Variants in SSBP2 observed in about 807,000 individuals in gnomAD.
The protein encoded by SSBP2 is single stranded DNA binding protein 2.
SSBP2 carries 17 observed loss-of-function variants against 61.8 expected under a neutral mutation model. The ratio of observed to expected loss-of-function variants is 0.28; its 90% CI spans 0.19 to 0.41. SSBP2 has a LOEUF of 0.41. SSBP2 is among the 10% of genes least tolerant of loss of function. SSBP2 has a pLI of 1.00. For synonymous variants in SSBP2, 139 were observed against 141.3 expected, an observed-to-expected ratio of 0.98 and a Z score of 0.12; for missense variants, 310 against 458.7, an observed-to-expected ratio of 0.68 and a Z score of 2.96.
intron 4 of SSBP2, among the ~76,000 whole-genome samples, chr5:81,604,255 C>CTTT (rs1208837769): frequency 2.2e-5 from 3 of 138,516 alleles, no homozygotes; most frequent in Non-Finnish European, 4.8e-5. Flanking sequence ...CTTTTCTTTT[C>CTTT]TTTTTTTTTT....
intron 1 of SSBP2, among the ~76,000 whole-genome samples, chr5:81,655,939 C>G (rs900409954): frequency 1.3e-5 from 2 of 152,158 alleles, no homozygotes; most frequent in African/African-American, 2.4e-5. Context: ...TCAGTTTAAT[C>G]TTCTATTTTT....
chr5:81,542,756 T>A (rs995896299), intron 4 of SSBP2, among the ~76,000 whole-genome samples: 3 of 151,680 alleles, frequency 2.0e-5, no homozygotes, highest in African/African-American at 4.9e-5. Flanking sequence ...GCTTCCCCTA[T>A]GCTGTTCTTA....
At position 81,478,617 on chromosome 5, in the gene SSBP2, G is replaced by A. The variant is rs557558927; in HGVS notation, c.433-4055C>T. Among the ~76,000 whole-genome samples, 30 of 152,256 alleles carry A rather than the reference G, an allele frequency of 2.0e-4. 1 individual carries two copies. The highest frequency in any genetic ancestry group is 1.9e-3 in the South Asian group (9 of 4,824). On this transcript the variant is annotated intron_variant, in intron 6 of 16. Transcript: ENST00000320672. ...CTCCCAAAGTGTTGGGATTACAGGC[G>A]TGAGCCACCACACCCGGCCTATTTT...
At chr5:81,584,698 G>A (rs1476880381) in intron 4 of SSBP2, among the ~76,000 whole-genome samples, 1 of 152,038 alleles carries the variant, frequency 6.6e-6, no homozygotes, top group Admixed American at 6.5e-5. Context: ...AGCAACAAGA[G>A]GACTCTCTCC....
At chr5:81,600,832 T>C (rs1260162739) in intron 4 of SSBP2, among the ~76,000 whole-genome samples, 1 of 152,020 alleles carries the variant, frequency 6.6e-6, no homozygotes, top group Non-Finnish European at 1.5e-5. Flanking sequence ...AATAATAGAG[T>C]AGAATAAATA....
At chr5:81,695,759 T>C (rs1435316090) in intron 1 of SSBP2, among the ~76,000 whole-genome samples, 2 of 152,174 alleles carry the variant, frequency 1.3e-5, no homozygotes, top group Admixed American at 6.5e-5. Context: ...TAGGAACTTC[T>C]CTCTTTGCTT....
chr5:81,572,653 C>T (rs1773922626), intron 4 of SSBP2, among the ~76,000 whole-genome samples: 1 of 152,138 alleles, frequency 6.6e-6, no homozygotes, highest in African/African-American at 2.4e-5. Context: ...GAAAAACCTT[C>T]ATTTAACAGA....
At chr5:81,634,589 C>G (rs1338089506) in intron 3 of SSBP2, among the ~76,000 whole-genome samples, 1 of 152,194 alleles carries the variant, frequency 6.6e-6, no homozygotes. Context: ...TGTAAATAAA[C>G]AGTATTACTC....
At chr5:81,434,633 C>CAA (rs34269591) in intron 15 of SSBP2, among the ~76,000 whole-genome samples, 2,127 of 41,980 alleles carry the variant, frequency 0.051, 248 homozygotes, top group Middle Eastern at 0.13. Flanking sequence ...ACTCTTGACT[C>CAA]AAAAAAAAAA....
At chr5:81,712,190 T>G (rs1754840110) in intron 1 of SSBP2, among the ~76,000 whole-genome samples, 1 of 150,722 alleles carries the variant, frequency 6.6e-6, no homozygotes, top group Non-Finnish European at 1.5e-5. Context: ...TCATAAGACC[T>G]TCTAATAAAT....
At chr5:81,528,995 C>G (rs904018247) in intron 4 of SSBP2, among the ~76,000 whole-genome samples, 5 of 151,942 alleles carry the variant, frequency 3.3e-5, no homozygotes, top group African/African-American at 1.2e-4. Flanking sequence ...TTAATGGACA[C>G]TTATAAAACC....
At chr5:81,601,763 G>C (rs1004693949) in intron 4 of SSBP2, among the ~76,000 whole-genome samples, 3 of 152,056 alleles carry the variant, frequency 2.0e-5, no homozygotes, top group African/African-American at 7.2e-5. Flanking sequence ...TTAGTTCAAA[G>C]TCCAGGATCT....
At chr5:81,464,325 T>G (rs1764748648) in intron 9 of SSBP2, among the ~76,000 whole-genome samples, 1 of 152,194 alleles carries the variant, frequency 6.6e-6, no homozygotes, top group African/African-American at 2.4e-5. Context: ...CTTTAAACAG[T>G]AATCTACAAT....
intron 14 of SSBP2, 68 bp downstream of exon 14, chr5:81,440,490 A>C (rs750613037): frequency 7.3e-7 from 1 of 1,361,194 alleles, no homozygotes; most frequent in African/African-American, 1.5e-5. Context: ...TGGAAACTGT[A>C]ATATGCACTA....
chr5:81,606,732 G>C (rs567967948), intron 4 of SSBP2, among the ~76,000 whole-genome samples: 1 of 152,300 alleles, frequency 6.6e-6, no homozygotes, highest in East Asian at 1.9e-4. Flanking sequence ...TGTAGTGAAT[G>C]AAGTTAGAAT....
At chr5:81,719,843 GGGC>G (rs1755433148) in intron 1 of SSBP2, among the ~76,000 whole-genome samples, 23 of 152,112 alleles carry the variant, frequency 1.5e-4, no homozygotes, top group Admixed American at 1.4e-3. Flanking sequence ...AAATTTCAGT[GGGC>G]TCCAGGGTGT....
upstream of SSBP2, chr5:81,751,103 G>A (rs1581481401): frequency 6.6e-7 from 1 of 1,522,744 alleles, no homozygotes; most frequent in South Asian, 1.2e-5. Flanking sequence ...GCCTCCCCGG[G>A]AACAGCCCCG....
At position 81,501,264 on chromosome 5, in the gene SSBP2, T is replaced by TAC. The variant is rs1435357095; in HGVS notation, c.373-11956_373-11955insGT. 8.0e-4 allele frequency among the ~76,000 whole-genome samples: 34 copies of TAC among 42,420 alleles called. 1 individual carries two copies. The highest frequency in any genetic ancestry group is 1.2e-3 in the South Asian group (2 of 1,630). The allele number at this position is 42,420 out of a possible 152,430, so 27.8% of individuals were successfully genotyped here. A position where few individuals can be genotyped will look rare whatever the true frequency, so the allele number is the denominator to read the frequency against. On this transcript the variant is annotated intron_variant, in intron 5 of 16. Transcript: ENST00000320672. ...ATATATATATATATATATATATATA[T>TAC]ATATACACACACACACACATGCACA...
chr5:81,608,344 G>T (rs935703737), intron 4 of SSBP2, among the ~76,000 whole-genome samples: 2 of 151,978 alleles, frequency 1.3e-5, no homozygotes, highest in Non-Finnish European at 2.9e-5. Context: ...TGAATTTTCA[G>T]CGTATATCAA....
Sources: gnomAD v4.1 joint callset for allele counts (sites outside exome capture counted in the v4.1 genomes callset) on GRCh38, gnomAD v4.1.1 for gene constraint, MANE v1.5 for transcripts, NCBI Gene and HGNC (gene_info 2026-07-23, HGNC 2026-07-21) for gene names.